Variants in FGFR3 observed in about 807,000 individuals in gnomAD.
The protein encoded by FGFR3 is FGFR-3.
A neutral mutation model predicts 82.9 loss-of-function variants in FGFR3; 25 were observed. The observed-to-expected ratio is 0.30, with a 90% CI of 0.22 to 0.42. FGFR3 has a LOEUF of 0.42. FGFR3 is among the 10% of genes least tolerant of loss of function. The pLI is 1.00. For synonymous variants in FGFR3, 620 were observed against 516.0 expected, an observed-to-expected ratio of 1.20 and a Z score of -2.73; for missense variants, 1,026 against 1,161.0, an observed-to-expected ratio of 0.88 and a Z score of 1.69.
In FGFR3 at chr4:1,805,321, T is replaced by C. The variant is rs747982065; in HGVS notation, c.1413-34T>C. On this transcript the variant is annotated intron_variant, in intron 10 of 17. Transcript: ENST00000440486. ...GTGGTGGGCTGAGAGTGGGCGAGTT[T>C]GCACACTCATGGTCCCTCTGCCTCC... 3.8e-5 allele frequency: 61 copies of C among 1,608,060 alleles called. No individual in the cohort carries two copies. The Admixed American group carries it at 1.0e-3, about 26-fold the overall frequency.
intron 2 of FGFR3, among the ~76,000 whole-genome samples, chr4:1,794,463 A>C (rs910614458): frequency 6.6e-6 from 1 of 152,122 alleles, no homozygotes; most frequent in African/African-American, 2.4e-5. Flanking sequence ...GGCCAAGGCG[A>C]GAGACCGGAC....
intron 2 of FGFR3, among the ~76,000 whole-genome samples, chr4:1,794,482 G>T (rs922528717): frequency 6.6e-6 from 1 of 152,194 alleles, no homozygotes; most frequent in Admixed American, 6.5e-5. Flanking sequence ...ACTTCTAAGG[G>T]TGGGTGTGCG....
intron 16 of FGFR3, 69 bp downstream of exon 16, chr4:1,806,752 G>C (rs1721974182): frequency 6.3e-7 from 1 of 1,595,880 alleles, no homozygotes; most frequent in Non-Finnish European, 8.5e-7. Flanking sequence ...GGGCGGGGGA[G>C]GGACTGGCAG....
chr4:1,807,394 T>TGC lies in FGFR3; in HGVS notation c.*133_*134insCG. 1 of 1,115,294 alleles carries TGC rather than the reference T, an allele frequency of 9.0e-7. No individual in the cohort carries two copies. The highest frequency in any genetic ancestry group is 1.2e-6 in the Non-Finnish European group (1 of 826,130). The allele number at this position is 1,115,294 out of a possible 1,614,324, so 69.1% of individuals were successfully genotyped here. On this transcript the variant is annotated 3_prime_UTR_variant, in exon 18 of 18. Coordinates refer to ENST00000440486, the MANE Select transcript of FGFR3 (RefSeq NM_000142.5). ...CACAGAGCTTTGGTCTGTGTGTGTG[T>TGC]GTGTGCGTGTGTGTGTGTGTGTGTG...
At position 1,808,288 on chromosome 4, in the gene FGFR3, C is replaced by T. The variant is rs1260636726; in HGVS notation, c.*1026C>T. 1 of 232,700 alleles carries T rather than the reference C, an allele frequency of 4.3e-6. No homozygotes were observed. Among genetic ancestry groups the T allele is most frequent in the African/African-American group, 2.2e-5 (1 of 45,280 alleles). The allele number at this position is 232,700 out of a possible 1,614,324, so 14.4% of individuals were successfully genotyped here. On this transcript the variant is annotated 3_prime_UTR_variant, in exon 18 of 18. Transcript: ENST00000440486. ...CTGCCCCGGAGCTGGAGGATCCCCT[C>T]CAAGCCTAAAAGGTTGTTAATAGTT...
chr4:1,797,420 C>G (rs1453528332), intron 2 of FGFR3, among the ~76,000 whole-genome samples: 1 of 152,210 alleles, frequency 6.6e-6, no homozygotes, highest in African/African-American at 2.4e-5. Context: ...GCACCCTCCC[C>G]ACCACACACG....
rs199544087 is a variant in FGFR3 at position 1,805,761 on chromosome 4, G to T, written c.1657G>T (p.Val553Leu). The change falls in exon 13 of 18, where the codon GTG becomes TTG. Residue 553 changes from valine to leucine, a missense_variant. Val to Leu is a conservative substitution (Grantham distance 32, BLOSUM62 1). Around this residue, in one of 9 missense-constraint regions of FGFR3, gnomAD observed 164 missense variants for 167.5 expected, o/e 0.98. Coordinates refer to ENST00000440486, the MANE Select transcript of FGFR3 (RefSeq NM_000142.5). ...GACTQGGPLYVLVEYAAKGNL... is the reference protein window; with the variant it reads ...GACTQGGPLYLLVEYAAKGNL... ...GCCCGTGTCCCCAGGGCCCCTGTACGTGCTGGTGGAGTACGCGGCCAAGGG... is the reference window on the plus strand; with the variant it reads ...GCCCGTGTCCCCAGGGCCCCTGTACTTGCTGGTGGAGTACGCGGCCAAGGG... 5 of 1,612,598 alleles carry T rather than the reference G, an allele frequency of 3.1e-6. No individual in the cohort carries two copies. Among genetic ancestry groups the T allele is most frequent in the East Asian group, 2.2e-5 (1 of 44,872 alleles).
rs1041357391 is a variant in FGFR3 at position 1,794,099 on chromosome 4, G to A, written c.109+56G>A. 3.7e-5 allele frequency: 41 copies of A among 1,117,704 alleles called. 1 individual carries two copies. In the African/African-American group the frequency reaches 5.7e-4, roughly 16 times the overall value. 69.2% of individuals were successfully genotyped at this position (1,117,704 alleles called of 1,614,324 possible). On this transcript the variant is annotated intron_variant, in intron 2 of 17. Transcript: ENST00000440486. ...GCCGGCCCGTGCGGGCAGAGGCGTT[G>A]GGGACGGGAACCGGCCCCGGGTCGG...
chr4:1,797,822 A>G (rs545355243), intron 2 of FGFR3, among the ~76,000 whole-genome samples: 4 of 152,116 alleles, frequency 2.6e-5, no homozygotes, highest in Non-Finnish European at 5.9e-5. Flanking sequence ...TCTGGCTGGC[A>G]GGGTCACCCT....
rs891695862 is a variant in FGFR3 at position 1,807,908 on chromosome 4, T to C, written c.*646T>C. On this transcript the variant is annotated 3_prime_UTR_variant, in exon 18 of 18. Transcript: ENST00000440486. ...TGTGTATATGGTATATATACATATATATATATAACATATATGGAAGAGGAA... is the reference window on the plus strand; with the variant it reads ...TGTGTATATGGTATATATACATATACATATATAACATATATGGAAGAGGAA... 5.2e-5 allele frequency: 16 copies of C among 305,356 alleles called. No individual in the cohort carries two copies. The highest frequency in any genetic ancestry group is 8.7e-5 in the Non-Finnish European group (14 of 160,218). 18.9% of individuals were successfully genotyped at this position (305,356 alleles called of 1,614,324 possible). A position where few individuals can be genotyped will look rare whatever the true frequency, so the allele number is the denominator to read the frequency against.
intron 7 of FGFR3, chr4:1,803,252 T>C (rs1721427485): frequency 1.4e-6 from 1 of 697,082 alleles, no homozygotes; most frequent in Non-Finnish European, 2.1e-6. Context: ...CCCTGTGGCC[T>C]GCGCCGACCC....
chr4:1,807,418 TG>T lies in FGFR3; in HGVS notation c.*157del, dbSNP rs1722097802. 2 of 764,884 alleles carry T rather than the reference TG, an allele frequency of 2.6e-6. No individual in the cohort carries two copies. Among genetic ancestry groups the T allele is most frequent in the South Asian group, 3.2e-5 (2 of 61,768 alleles). 47.4% of individuals were successfully genotyped at this position (764,884 alleles called of 1,614,324 possible). On this transcript the variant is annotated 3_prime_UTR_variant, in exon 18 of 18. Transcript: ENST00000440486. The stretch of plus-strand genomic sequence containing the variant: ...GTGTGTGCGTGTGTGTGTGTGTGTG[TG>T]CACATCCGCGTGTGCCTGTGTGCGT...
At position 1,806,816 on chromosome 4, in the gene FGFR3, G is replaced by T. The variant is rs370060233; in HGVS notation, c.2169-13G>T. ...GAAGCGGCGGGGCTCACTCCTGAGC[G>T]CCCTGCCCGCAGGTACATGATCATG... On this transcript the variant is annotated splice_polypyrimidine_tract_variant and intron_variant, in intron 16 of 17. Transcript: ENST00000440486. 6.3e-7 allele frequency: 1 copy of T among 1,593,700 alleles called. No homozygotes were observed. The highest frequency in any genetic ancestry group is 1.7e-5 in the Admixed American group (1 of 57,754).
At chr4:1,799,632 G>A in intron 3 of FGFR3, 109 bp downstream of exon 3, 1 of 1,553,430 alleles carries the variant, frequency 6.4e-7, no homozygotes, top group Non-Finnish European at 8.7e-7. Context: ...TGGTGGAGAG[G>A]AGGGCACCCC....
chr4:1,808,315 G>C lies in FGFR3; in HGVS notation c.*1053G>C, dbSNP rs897329885. 6 of 232,848 alleles carry C rather than the reference G, an allele frequency of 2.6e-5. No individual in the cohort carries two copies. The highest frequency in any genetic ancestry group is 1.3e-4 in the African/African-American group (6 of 45,276). 14.4% of individuals were successfully genotyped at this position (232,848 alleles called of 1,614,324 possible). A position where few individuals can be genotyped will look rare whatever the true frequency, so the allele number is the denominator to read the frequency against. On this transcript the variant is annotated 3_prime_UTR_variant, in exon 18 of 18. Coordinates refer to ENST00000440486, the MANE Select transcript of FGFR3 (RefSeq NM_000142.5). ...AAGCCTAAAAGGTTGTTAATAGTTG[G>C]AGGTGATTCCAGTGAAGATATTTTA...
intron 7 of FGFR3, chr4:1,803,054 GC>G (rs770485772): frequency 2.5e-6 from 4 of 1,595,476 alleles, no homozygotes; most frequent in Admixed American, 1.7e-5. Flanking sequence ...GCGTTCACGG[GC>G]CCCGAGCAGG....
intron 2 of FGFR3, among the ~76,000 whole-genome samples, 170 bp from the exon 3 acceptor site, chr4:1,799,084 T>C (rs1323000245): frequency 6.6e-6 from 1 of 152,160 alleles, no homozygotes; most frequent in Non-Finnish European, 1.5e-5. Flanking sequence ...AAGCTGAAGA[T>C]AGAGACCTTT....
At chr4:1,803,657 T>A in intron 7 of FGFR3, 35 bp from the exon 8 acceptor site, 1 of 1,608,268 alleles carries the variant, frequency 6.2e-7, no homozygotes, top group Middle Eastern at 1.7e-4. Flanking sequence ...AGGGCGGTGC[T>A]GGCGCTCGCC....
At chr4:1,801,116 TG>T (rs1721116933) in intron 4 of FGFR3, among the ~76,000 whole-genome samples, 1 of 152,148 alleles carries the variant, frequency 6.6e-6, no homozygotes, top group African/African-American at 2.4e-5. Flanking sequence ...CAATGCCCTG[TG>T]CCCTGTGACT....
Sources: allele counts gnomAD v4.1 joint callset (sites outside exome capture counted in the v4.1 genomes callset), GRCh38; gene constraint gnomAD v4.1.1; regional missense constraint gnomAD v4.1.1; transcripts MANE v1.5; gene names NCBI Gene and HGNC (gene_info 2026-07-23, HGNC 2026-07-21).